Variants in SLC22A23 observed in about 807,000 individuals in gnomAD.
The protein encoded by SLC22A23 is solute carrier family 22 member 23, also known as ion transporter protein.
SLC22A23 carries 26 observed loss-of-function variants against 61.0 expected under a neutral mutation model. The observed-to-expected ratio is 0.43, with a 90% CI of 0.31 to 0.59. SLC22A23 has a LOEUF of 0.59. Among genes scored for constraint, SLC22A23 ranks in the 20% least tolerant of loss-of-function variants. The pLI, the probability that SLC22A23 is intolerant of heterozygous loss-of-function variation, is 0.11. For missense variants in SLC22A23, 796 were observed against 934.7 expected, an observed-to-expected ratio of 0.85 and a Z score of 1.94; for synonymous variants, 430 against 413.9, an observed-to-expected ratio of 1.04 and a Z score of -0.47.
At chr6:3,366,961 G>T (rs1265899976) in intron 3 of SLC22A23, among the ~76,000 whole-genome samples, 1 of 152,168 alleles carries the variant, frequency 6.6e-6, no homozygotes, top group Non-Finnish European at 1.5e-5. Flanking sequence ...AGGAAGGACA[G>T]GGGGGATTAA....
At chr6:3,361,980 T>C (rs1318305327) in intron 3 of SLC22A23, among the ~76,000 whole-genome samples, 1 of 152,218 alleles carries the variant, frequency 6.6e-6, no homozygotes, top group Admixed American at 6.5e-5. Context: ...ACACAAGGAC[T>C]GTAGAAACAT....
intron 3 of SLC22A23, among the ~76,000 whole-genome samples, chr6:3,376,468 C>T (rs1487144646): frequency 6.6e-6 from 1 of 152,100 alleles, no homozygotes; most frequent in Non-Finnish European, 1.5e-5. Flanking sequence ...AGCTCTGTGC[C>T]TCTTTCACCC....
intron 1 of SLC22A23, among the ~76,000 whole-genome samples, chr6:3,425,793 A>G (rs1160614968): frequency 6.6e-6 from 1 of 152,208 alleles, no homozygotes; most frequent in Non-Finnish European, 1.5e-5. Context: ...TGAGGCTGAG[A>G]AGTGATGCTA....
intron 2 of SLC22A23, among the ~76,000 whole-genome samples, chr6:3,412,065 A>G (rs1769293923): frequency 6.8e-6 from 1 of 146,712 alleles, no homozygotes; most frequent in South Asian, 2.1e-4. Context: ...ATCCTTCACT[A>G]GGGGGGATGA....
In SLC22A23 at chr6:3,270,345, G is replaced by C. The variant is rs1224272259; in HGVS notation, c.*2710C>G. 1 of 152,472 alleles carries C rather than the reference G, an allele frequency of 6.6e-6. No homozygotes were observed. The highest frequency in any genetic ancestry group is 2.1e-4 in the South Asian group (1 of 4,832). The allele number at this position is 152,472 out of a possible 1,614,324, so 9.4% of individuals were successfully genotyped here. ...TGCTGAGCCCGGCGGGCCCAGATGCGTATCAGGCTTGGGTGGGTCCTGCCA... is the reference window on the plus strand; with the variant it reads ...TGCTGAGCCCGGCGGGCCCAGATGCCTATCAGGCTTGGGTGGGTCCTGCCA... On this transcript the variant is annotated 3_prime_UTR_variant, in exon 10 of 10. Coordinates refer to ENST00000406686, the MANE Select transcript of SLC22A23 (RefSeq NM_015482.2).
rs1289947048 is a variant in SLC22A23 at position 3,269,474 on chromosome 6, C to T, written c.*3581G>A. ...CAGAGGAAATCTGTTAATGGGGCAA[C>T]GTTTTTATTTCTGTACATTTACATA... On this transcript the variant is annotated 3_prime_UTR_variant, in exon 10 of 10. Transcript: ENST00000406686. 6.5e-6 allele frequency: 1 copy of T among 152,700 alleles called. No homozygotes were observed. The highest frequency in any genetic ancestry group is 1.5e-5 in the Non-Finnish European group (1 of 68,042). 9.5% of individuals were successfully genotyped at this position (152,700 alleles called of 1,614,324 possible). A position where few individuals can be genotyped will look rare whatever the true frequency, so the allele number is the denominator to read the frequency against.
At chr6:3,391,228 A>G (rs914549951) in intron 3 of SLC22A23, among the ~76,000 whole-genome samples, 2 of 152,226 alleles carry the variant, frequency 1.3e-5, no homozygotes, top group African/African-American at 4.8e-5. Flanking sequence ...CAGCTCATGG[A>G]GACTTTATTC....
At chr6:3,411,376 T>G (rs1769231912) in intron 2 of SLC22A23, among the ~76,000 whole-genome samples, 2 of 152,190 alleles carry the variant, frequency 1.3e-5, no homozygotes, top group Admixed American at 6.5e-5. Flanking sequence ...CGAACTGTCC[T>G]AGACGTGTTA....
chr6:3,337,061 G>A (rs1220866588), intron 3 of SLC22A23, among the ~76,000 whole-genome samples: 5 of 152,104 alleles, frequency 3.3e-5, no homozygotes, highest in African/African-American at 9.7e-5. Context: ...TCCTACCTCA[G>A]CCTCCCAAAG....
At chr6:3,284,814 G>C in intron 8 of SLC22A23, 2 of 1,252,170 alleles carry the variant, frequency 1.6e-6, no homozygotes, top group Non-Finnish European at 1.1e-6. Context: ...GGCCTGTGCT[G>C]AGCCTGGTGC....
intron 1 of SLC22A23, among the ~76,000 whole-genome samples, 197 bp from the exon 2 acceptor site, chr6:3,416,052 A>T (rs1464130947): frequency 6.6e-6 from 1 of 152,258 alleles, no homozygotes; most frequent in Non-Finnish European, 1.5e-5. Context: ...AAGGAAATGT[A>T]ACATTTTAGT....
At position 3,337,629 on chromosome 6, in the gene SLC22A23, GA is replaced by G. The variant is rs763889989; in HGVS notation, c.914-13628del. On this transcript the variant is annotated intron_variant, in intron 3 of 9. Coordinates refer to ENST00000406686, the MANE Select transcript of SLC22A23 (RefSeq NM_015482.2). ...AGGTAACAAGAGGCAACAGGGCAAG[GA>G]CCCGGGCAAGTCTTTCCTGTGTACC... Among the ~76,000 whole-genome samples, 206 of 152,142 alleles carry G rather than the reference GA, an allele frequency of 1.4e-3. 1 individual carries two copies. The highest frequency in any genetic ancestry group is 2.5e-3 in the Non-Finnish European group (171 of 68,040).
rs879679259 is a variant in SLC22A23, at chr6:3,322,426, G to A, written c.1082+1408C>T. On this transcript the variant is annotated intron_variant, in intron 4 of 9. Transcript: ENST00000406686. The surrounding 1 kb of genome is among the most constrained non-coding windows in gnomAD (Gnocchi z 4.1). ...CCAGGGAAACTATTGCTCATTCTCC[G>A]CTCCTTAAGGCCCTGTTGGGGCACA... Among the ~76,000 whole-genome samples the A allele has an allele frequency of 5.9e-5, 9 of 152,312 alleles. No homozygotes were observed. Among genetic ancestry groups the A allele is most frequent in the African/African-American group, 9.6e-5 (4 of 41,558 alleles).
intron 1 of SLC22A23, chr6:3,438,398 G>A: frequency 4.9e-6 from 2 of 409,334 alleles, no homozygotes; most frequent in Non-Finnish European, 9.7e-6. Flanking sequence ...GTTTCACTGG[G>A]ACTAGATGAT....
intron 9 of SLC22A23, among the ~76,000 whole-genome samples, chr6:3,280,446 G>GCTA (rs1441013176): frequency 6.8e-6 from 1 of 147,850 alleles, no homozygotes; most frequent in Non-Finnish European, 1.5e-5. Flanking sequence ...CTTCCTGTCT[G>GCTA]CTACTCAGTA....
At chr6:3,366,699 G>T (rs1561929002) in intron 3 of SLC22A23, among the ~76,000 whole-genome samples, 1 of 152,120 alleles carries the variant, frequency 6.6e-6, no homozygotes, top group African/African-American at 2.4e-5. Context: ...ACTCTCATAA[G>T]CTAAACATCA....
chr6:3,303,636 G>A (rs1761772551), intron 4 of SLC22A23, among the ~76,000 whole-genome samples: 1 of 152,274 alleles, frequency 6.6e-6, no homozygotes, highest in African/African-American at 2.4e-5. Context: ...TCATGTGGAA[G>A]CTCAAAAAAA....
intron 3 of SLC22A23, among the ~76,000 whole-genome samples, chr6:3,379,299 T>A (rs1766802680): frequency 6.6e-6 from 1 of 152,182 alleles, no homozygotes; most frequent in Non-Finnish European, 1.5e-5. Context: ...AAAAACCTGC[T>A]GGATTTGGAG....
At chr6:3,388,396 G>A (rs537101061) in intron 3 of SLC22A23, among the ~76,000 whole-genome samples, 84 of 152,152 alleles carry the variant, frequency 5.5e-4, no homozygotes, top group Non-Finnish European at 9.4e-4. Flanking sequence ...AAACAAAAAA[G>A]AAAATGACAA....
Sources: allele counts gnomAD v4.1 joint callset (sites outside exome capture counted in the v4.1 genomes callset), GRCh38; gene constraint gnomAD v4.1.1; non-coding constraint Gnocchi (gnomAD v3.1); transcripts MANE v1.5; gene names NCBI Gene and HGNC (gene_info 2026-07-23, HGNC 2026-07-21).